The following ZCCHC7 variants were observed in gnomAD, a reference collection of about 807,000 sequenced individuals.
ZCCHC7 encodes the protein zinc finger CCHC domain-containing protein 7.
Under a neutral mutation model 52.0 loss-of-function variants are expected in ZCCHC7, and 35 were observed. That is an observed-to-expected ratio of 0.67 (90% CI 0.51 to 0.89). ZCCHC7 has a LOEUF of 0.89. ZCCHC7 is among the 40% of genes least tolerant of loss of function. The probability of loss-of-function intolerance (pLI) is 0.00; values close to 1 mark genes in which losing one functional copy is unlikely to be tolerated. For synonymous variants in ZCCHC7, 217 were observed against 221.5 expected (o/e 0.98, Z 0.18); for missense variants, 574 against 649.1 (o/e 0.88, Z 1.26).
chr9:37,215,450 T>A (rs979889193), intron 2 of ZCCHC7, among the ~76,000 whole-genome samples: 31 of 152,134 alleles, frequency 2.0e-4, no homozygotes, highest in African/African-American at 6.3e-4. Context: ...AGGAAAAAAA[T>A]TTTATCTTTA....
chr9:37,203,893 A>G (rs1823765205), intron 2 of ZCCHC7, among the ~76,000 whole-genome samples: 2 of 152,220 alleles, frequency 1.3e-5, no homozygotes, highest in South Asian at 4.1e-4. Context: ...ACTGTCTTCA[A>G]CAATGGTTGA....
At chr9:37,216,014 T>G (rs1211771580) in intron 2 of ZCCHC7, among the ~76,000 whole-genome samples, 1 of 152,204 alleles carries the variant, frequency 6.6e-6, no homozygotes, top group Non-Finnish European at 1.5e-5. Flanking sequence ...GTTAAAGGAT[T>G]AGCAATAATC....
intron 1 of ZCCHC7, among the ~76,000 whole-genome samples, chr9:37,124,935 T>C (rs1192674157): frequency 6.6e-6 from 1 of 152,208 alleles, no homozygotes; most frequent in Non-Finnish European, 1.5e-5. Context: ...CACTGCAGCC[T>C]GTGCCTCCCA....
chr9:37,331,309 A>G (rs1830440366), intron 6 of ZCCHC7, among the ~76,000 whole-genome samples: 1 of 151,648 alleles, frequency 6.6e-6, no homozygotes, highest in African/African-American at 2.4e-5. Flanking sequence ...TTGTCAGGGT[A>G]TATCTTATAA....
At chr9:37,185,101 T>C (rs985422239) in intron 2 of ZCCHC7, among the ~76,000 whole-genome samples, 29 of 152,192 alleles carry the variant, frequency 1.9e-4, no homozygotes, top group African/African-American at 7.0e-4. Flanking sequence ...CATATTATTT[T>C]ATTTGCTTAC....
intron 2 of ZCCHC7, among the ~76,000 whole-genome samples, chr9:37,178,048 G>A (rs754160871): frequency 3.9e-5 from 6 of 152,056 alleles, no homozygotes; most frequent in Non-Finnish European, 5.9e-5. Context: ...CTATTATAGG[G>A]GAAACTGGCT....
chr9:37,327,153 A>G (rs1490524622), intron 5 of ZCCHC7: 2 of 152,084 alleles, frequency 1.3e-5, no homozygotes, highest in Non-Finnish European at 2.9e-5. Context: ...TACCTATTCT[A>G]GTTTCAATTA....
chr9:37,127,012 A>G (rs1205991382), intron 2 of ZCCHC7, 70 bp downstream of exon 2: 1 of 1,551,886 alleles, frequency 6.4e-7, no homozygotes, highest in Admixed American at 1.8e-5. Context: ...TCCTAGAGAA[A>G]AGACCAATAG....
chr9:37,149,614 C>T (rs1157507524), intron 2 of ZCCHC7, among the ~76,000 whole-genome samples: 1 of 152,100 alleles, frequency 6.6e-6, no homozygotes, highest in Non-Finnish European at 1.5e-5. Flanking sequence ...GTGACATTTG[C>T]TCACATTATA....
At chr9:37,315,608 C>T (rs1443291379) in intron 5 of ZCCHC7, among the ~76,000 whole-genome samples, 2 of 151,664 alleles carry the variant, frequency 1.3e-5, no homozygotes, top group East Asian at 2.0e-4. Context: ...CTAATCATTA[C>T]GGTGAGGTAG....
At chr9:37,199,484 A>G (rs111661743) in intron 2 of ZCCHC7, among the ~76,000 whole-genome samples, 1 of 148,938 alleles carries the variant, frequency 6.7e-6, no homozygotes, top group Non-Finnish European at 1.5e-5. Context: ...GGCATACACC[A>G]CCACGCCCAG....
At chr9:37,223,975 G>A (rs910903628) in intron 2 of ZCCHC7, among the ~76,000 whole-genome samples, 1 of 152,064 alleles carries the variant, frequency 6.6e-6, no homozygotes, top group African/African-American at 2.4e-5. Flanking sequence ...TTCTTTGGGT[G>A]ATAGGATTAC....
At chr9:37,322,494 AAT>A (rs1233117648) in intron 5 of ZCCHC7, 1 of 152,028 alleles carries the variant, frequency 6.6e-6, no homozygotes, top group Non-Finnish European at 1.5e-5. Flanking sequence ...TAACTTTCAG[AAT>A]AGTGTACTTT....
intron 2 of ZCCHC7, among the ~76,000 whole-genome samples, chr9:37,195,006 G>A (rs185741039): frequency 1.3e-5 from 2 of 150,546 alleles, no homozygotes; most frequent in Non-Finnish European, 3.0e-5. Flanking sequence ...GAGTGCAGTG[G>A]TGTGATCTCG....
At chr9:37,238,480 A>G (rs751744822) in intron 2 of ZCCHC7, among the ~76,000 whole-genome samples, 6 of 152,054 alleles carry the variant, frequency 3.9e-5, no homozygotes, top group East Asian at 1.9e-4. Context: ...TTGTGTTCCA[A>G]TATTCTTTGA....
chr9:37,211,081 G>C (rs548601461), intron 2 of ZCCHC7, among the ~76,000 whole-genome samples: 10 of 152,362 alleles, frequency 6.6e-5, no homozygotes, highest in Non-Finnish European at 1.3e-4. Flanking sequence ...AGCTGGAACA[G>C]TGTGACAGTT....
At chr9:37,229,236 T>C (rs1217362390) in intron 2 of ZCCHC7, among the ~76,000 whole-genome samples, 1 of 152,106 alleles carries the variant, frequency 6.6e-6, no homozygotes, top group Non-Finnish European at 1.5e-5. Context: ...GGGGAGTAGT[T>C]AATTCAGGTA....
intron 2 of ZCCHC7, among the ~76,000 whole-genome samples, chr9:37,255,455 G>C (rs1396193162): frequency 6.6e-6 from 1 of 152,030 alleles, no homozygotes; most frequent in Non-Finnish European, 1.5e-5. Flanking sequence ...ACATCCTCAT[G>C]GGGACAGTGC....
chr9:37,138,178 C>T (rs933107173), intron 2 of ZCCHC7, among the ~76,000 whole-genome samples: 8 of 152,130 alleles, frequency 5.3e-5, no homozygotes, highest in African/African-American at 1.9e-4. Context: ...AGCATAATGA[C>T]TTGAGCTGTG....
Sources: allele counts gnomAD v4.1 joint callset (sites outside exome capture counted in the v4.1 genomes callset), GRCh38; gene constraint gnomAD v4.1.1; transcripts MANE v1.5; gene names NCBI Gene and HGNC (gene_info 2026-07-23, HGNC 2026-07-21).